The following TGM5 variants were observed in gnomAD, a reference collection of about 807,000 sequenced individuals.
The protein encoded by TGM5 is transglutaminase 5.
In TGM5, 69 loss-of-function variants were observed where a neutral mutation model predicts 77.2. The observed-to-expected ratio is 0.89, with a 90% CI of 0.74 to 1.09. TGM5 has a LOEUF of 1.09. Ranked by LOEUF, TGM5 falls within the 50% of genes least tolerant of loss-of-function variation. The pLI, the probability that TGM5 is intolerant of heterozygous loss-of-function variation, is 0.00. For synonymous variants in TGM5, 346 were observed against 351.8 expected (o/e 0.98, Z 0.18); for missense variants, 842 against 896.5 (o/e 0.94, Z 0.78).
intron 6 of TGM5, among the ~76,000 whole-genome samples, chr15:43,249,210 T>C (rs368560216): frequency 1.3e-5 from 2 of 152,332 alleles, no homozygotes; most frequent in East Asian, 1.9e-4. Context: ...CAGGCAGTTA[T>C]GGACAAGAAT....
At chr15:43,234,487 A>AT (rs1240475113) in intron 11 of TGM5, among the ~76,000 whole-genome samples, 4 of 152,176 alleles carry the variant, frequency 2.6e-5, no homozygotes, top group African/African-American at 9.7e-5. Context: ...CACTTTCCTT[A>AT]TGTTGACCCA....
At chr15:43,234,956 G>T in intron 10 of TGM5, 27 bp from the exon 11 acceptor site, 1 of 1,612,572 alleles carries the variant, frequency 6.2e-7, no homozygotes, top group Admixed American at 1.7e-5. Flanking sequence ...AGGATGGGGT[G>T]AGAGTAGCTG....
chr15:43,259,800 CG>C (rs1200057075), intron 3 of TGM5, among the ~76,000 whole-genome samples: 4 of 152,138 alleles, frequency 2.6e-5, no homozygotes, highest in South Asian at 2.1e-4. Context: ...ATGTTATTCA[CG>C]ATCAAACTTA....
At position 43,233,082 on chromosome 15, in the gene TGM5, TG is replaced by T; in HGVS notation, c.*108del. ...ACGTCATCCCCTCTGTGGCTCTTGC[TG>T]GAGCCCTGTGAAGCCTCTGTTGTGG... On this transcript the variant is annotated 3_prime_UTR_variant, in exon 13 of 13. Transcript: ENST00000220420. The T allele has an allele frequency of 7.3e-7, 1 of 1,373,414 alleles. No individual in the cohort carries two copies. The allele number at this position is 1,373,414 out of a possible 1,614,324, so 85.1% of individuals were successfully genotyped here. A position where few individuals can be genotyped will look rare whatever the true frequency, so the allele number is the denominator to read the frequency against.
chr15:43,241,463 A>G (rs1596443371), intron 6 of TGM5, among the ~76,000 whole-genome samples: 1 of 152,328 alleles, frequency 6.6e-6, no homozygotes, highest in African/African-American at 2.4e-5. Context: ...TTTCCTGGGT[A>G]TATGATCTTG....
chr15:43,260,347 G>A lies in TGM5; in HGVS notation c.191-50C>T, dbSNP rs200926713. On this transcript the variant is annotated intron_variant, in intron 2 of 12. Transcript: ENST00000220420. ...CCTCCATGGCGACCTCCAAACCCCC[G>A]AAAATCCCCTCCCAGACACACACAG... is the stretch of plus-strand genomic sequence containing the variant. The A allele has an allele frequency of 1.4e-5, 22 of 1,614,008 alleles. No individual in the cohort carries two copies. In the South Asian group the frequency reaches 2.3e-4, roughly 17 times the overall value.
rs138507857 is a variant in TGM5, at chr15:43,260,230, G to C, written c.258C>G (p.Ser86Arg). 1.7e-4 allele frequency: 274 copies of C among 1,613,970 alleles called. No homozygotes were observed. The Middle Eastern group carries it at 2.1e-3, about 13-fold the overall frequency. The part of the protein sequence containing the change: ...VFSLARHHSP[S>R]PWIAWLETNG... ...TGGTCTCCAGCCAGGCAATCCAGGGGCTGGGGCTGTGATGGCGTGCCAGGC... is the reference window on the plus strand; with the variant it reads ...TGGTCTCCAGCCAGGCAATCCAGGGCCTGGGGCTGTGATGGCGTGCCAGGC... The change falls in exon 3 of 13, where the codon AGC (serine) becomes AGG (arginine). Residue 86 changes from serine to arginine, a missense_variant. Transcript: ENST00000220420.
At chr15:43,234,998 G>T in intron 10 of TGM5, 69 bp from the exon 11 acceptor site, 1 of 1,575,060 alleles carries the variant, frequency 6.3e-7, no homozygotes, top group Non-Finnish European at 8.7e-7. Context: ...TTGGACCTGG[G>T]TCTCTCTTCC....
chr15:43,247,845 A>G (rs1043353311), intron 6 of TGM5: 6 of 152,258 alleles, frequency 3.9e-5, no homozygotes, highest in African/African-American at 1.4e-4. Flanking sequence ...AGATGAAACC[A>G]AAACCATACT....
intron 6 of TGM5, among the ~76,000 whole-genome samples, chr15:43,244,501 A>G (rs1227188466): frequency 6.6e-6 from 1 of 152,240 alleles, no homozygotes; most frequent in Non-Finnish European, 1.5e-5. Flanking sequence ...ACATGCATAC[A>G]CTACATGCAC....
intron 1 of TGM5, among the ~76,000 whole-genome samples, chr15:43,263,594 C>T (rs995783302): frequency 6.6e-6 from 1 of 152,188 alleles, no homozygotes; most frequent in Admixed American, 6.5e-5. Flanking sequence ...GGTGCTGGGA[C>T]AAGTGGATAT....
chr15:43,238,422 C>T (rs1412082612), intron 9 of TGM5, among the ~76,000 whole-genome samples: 1 of 152,236 alleles, frequency 6.6e-6, no homozygotes, highest in Non-Finnish European at 1.5e-5. Context: ...CATCTGGGCT[C>T]ACTTCAGCCT....
chr15:43,234,515 AG>A (rs1380297858), intron 11 of TGM5, among the ~76,000 whole-genome samples: 1 of 152,230 alleles, frequency 6.6e-6, no homozygotes, highest in African/African-American at 2.4e-5. Context: ...GGCCAACAGC[AG>A]GAGGGGCACA....
rs150994518 is a variant in TGM5, at chr15:43,263,556, G to A, written c.11-2977C>T. The stretch of plus-strand genomic sequence containing the variant: ...GACAAAGGTGCCAAGACAATTCAAT[G>A]GGGGAAAGAATGCTCTTTTCAAAAA... On this transcript the variant is annotated intron_variant, in intron 1 of 12. Transcript: ENST00000220420. 4.7e-4 allele frequency among the ~76,000 whole-genome samples: 71 copies of A among 152,322 alleles called. No individual in the cohort carries two copies. The East Asian group carries it at 0.013, about 28-fold the overall frequency.
intron 11 of TGM5, 125 bp from the exon 12 acceptor site, chr15:43,233,812 A>T: frequency 8.7e-7 from 1 of 1,152,590 alleles, no homozygotes; most frequent in Non-Finnish European, 1.3e-6. Flanking sequence ...TTGGCATAAG[A>T]ATTCTTTGAG....
In TGM5 at chr15:43,252,815, C is replaced by T. The variant is rs1455462493; in HGVS notation, c.806G>A (p.Gly269Asp). 6.2e-7 allele frequency: 1 copy of T among 1,613,958 alleles called. No homozygotes were observed. Among genetic ancestry groups the T allele is most frequent in the Non-Finnish European group, 8.5e-7 (1 of 1,180,036 alleles). ...TTGCCCGTAGCGCACGGGCTGGCAGCCTGTGGCGTTCCACTGCTTCAGGAT... is the reference window on the plus strand; with the variant it reads ...TTGCCCGTAGCGCACGGGCTGGCAGTCTGTGGCGTTCCACTGCTTCAGGAT... The part of the protein sequence containing the change: ...VAILKQWNAT[G>D]CQPVRYGQCW... The change falls in exon 6 of 13, where the codon GGC becomes GAC. Residue 269 changes from glycine (G) to aspartate (D), a missense_variant. Coordinates refer to ENST00000220420, the MANE Select transcript of TGM5 (RefSeq NM_201631.4).
intron 6 of TGM5, among the ~76,000 whole-genome samples, chr15:43,251,985 T>C (rs1466328277): frequency 2.0e-5 from 3 of 152,268 alleles, no homozygotes; most frequent in Non-Finnish European, 4.4e-5. Flanking sequence ...GTCATTTCCC[T>C]TGGGTTGCCA....
At chr15:43,250,695 C>T (rs2042697803) in intron 6 of TGM5, among the ~76,000 whole-genome samples, 1 of 152,128 alleles carries the variant, frequency 6.6e-6, no homozygotes, top group Non-Finnish European at 1.5e-5. Context: ...TCCAAGAGCT[C>T]TTGGAACACA....
chr15:43,233,393 C>T, intron 12 of TGM5, 49 bp from the exon 13 acceptor site: 1 of 1,611,558 alleles, frequency 6.2e-7, no homozygotes, highest in East Asian at 2.2e-5. Context: ...ATGATAATGA[C>T]CCTGGAGCCC....
Sources: allele counts gnomAD v4.1 joint callset (sites outside exome capture counted in the v4.1 genomes callset), GRCh38; gene constraint gnomAD v4.1.1; transcripts MANE v1.5; gene names NCBI Gene and HGNC (gene_info 2026-07-23, HGNC 2026-07-21).